EMC2: variants seen among roughly 807,000 people sequenced by gnomAD.
The protein encoded by EMC2 is TPR repeat protein 35.
EMC2 carries 37 observed loss-of-function variants against 51.6 expected under a neutral mutation model. The ratio of observed to expected loss-of-function variants is 0.72; its 90% CI spans 0.55 to 0.94. The LOEUF (loss-of-function observed/expected upper bound fraction) is 0.94, where lower values mean the gene tolerates loss of function less well. Among genes scored for constraint, EMC2 ranks in the 40% least tolerant of loss-of-function variants. EMC2 has a pLI of 0.00. For missense variants in EMC2, 359 were observed against 350.9 expected (o/e 1.02, Z -0.18); for synonymous variants, 131 against 112.4 (o/e 1.17, Z -1.04).
rs79126336 is a variant in EMC2 at position 108,452,251 on chromosome 8, A to G, written c.220-811A>G. ...TTAATGTCTGTATTTTCTGACCCCAAATCAGGATATGTTGATTGAAAGGAT... is the reference window on the plus strand; with the variant it reads ...TTAATGTCTGTATTTTCTGACCCCAGATCAGGATATGTTGATTGAAAGGAT... On this transcript the variant is annotated intron_variant, in intron 3 of 10. Coordinates refer to ENST00000220853, the MANE Select transcript of EMC2 (RefSeq NM_014673.5). 5.3e-3 allele frequency among the ~76,000 whole-genome samples: 810 copies of G among 152,302 alleles called. 5 individuals are homozygous for G. Among genetic ancestry groups the G allele is most frequent in the African/African-American group, 0.018 (755 of 41,564 alleles).
rs754722686 is a variant in EMC2, at chr8:108,486,803, T to C, written c.*205T>C. On this transcript the variant is annotated 3_prime_UTR_variant, in exon 11 of 11. Coordinates refer to ENST00000220853, the MANE Select transcript of EMC2 (RefSeq NM_014673.5). ...ATGGGGGAAATCCATGGAAGAGAGA[T>C]TTAAGACTTATTGATTGTACATCAG... 6.6e-5 allele frequency: 29 copies of C among 438,802 alleles called. No individual in the cohort carries two copies. Among genetic ancestry groups the C allele is most frequent in the Non-Finnish European group, 9.5e-5 (24 of 252,750 alleles). The allele number at this position is 438,802 out of a possible 1,614,324, so 27.2% of individuals were successfully genotyped here.
chr8:108,474,668 G>A (rs1423514784), intron 7 of EMC2: 2 of 151,840 alleles, frequency 1.3e-5, no homozygotes, highest in African/African-American at 4.8e-5. Context: ...GTCCCTTTGG[G>A]TGTGACTGCT....
At chr8:108,475,534 CTTCCAGAAGT>C (rs1376781631) in intron 7 of EMC2, 1 of 166,356 alleles carries the variant, frequency 6.0e-6, no homozygotes, top group Non-Finnish European at 1.3e-5. Context: ...GATCAGTCAA[CTTCCAGAAGT>C]TGTTTTATAT....
chr8:108,453,976 A>G (rs1229786360), intron 4 of EMC2, among the ~76,000 whole-genome samples: 1 of 152,068 alleles, frequency 6.6e-6, no homozygotes, highest in Admixed American at 6.5e-5. Flanking sequence ...GCCTGTCTTT[A>G]TCCCTACTGA....
intron 5 of EMC2, among the ~76,000 whole-genome samples, chr8:108,465,167 A>T (rs776497555): frequency 1.3e-5 from 2 of 152,222 alleles, no homozygotes; most frequent in Non-Finnish European, 2.9e-5. Context: ...AGCCAGTTGG[A>T]TGAAGATTTA....
chr8:108,485,431 A>G (rs1206142618), intron 10 of EMC2, among the ~76,000 whole-genome samples: 1 of 146,458 alleles, frequency 6.8e-6, no homozygotes, highest in Non-Finnish European at 1.5e-5. Context: ...AAATATATAC[A>G]TAATATATAA....
chr8:108,472,798 C>G (rs1810880510), intron 7 of EMC2, among the ~76,000 whole-genome samples: 3 of 151,830 alleles, frequency 2.0e-5, no homozygotes, highest in Non-Finnish European at 2.9e-5. Context: ...ATTTAACATT[C>G]GATATTCCTT....
chr8:108,461,102 C>A (rs909526620), intron 5 of EMC2, among the ~76,000 whole-genome samples: 3 of 152,216 alleles, frequency 2.0e-5, no homozygotes, highest in African/African-American at 7.2e-5. Context: ...GAAGACATCG[C>A]CGTTTCTTTT....
chr8:108,449,851 A>G lies in EMC2; in HGVS notation c.69A>G (p.Arg23=), dbSNP rs777590303. The stretch of plus-strand genomic sequence containing the variant: ...TGAGAGATAAAATGAGAAAATGGAG[A>G]GAAGAAAACTCAAGAAATAGTGAGC... ...EEMRDKMRKW[R]EENSRNSEQI... The change falls in exon 2 of 11, where the codon AGA becomes AGG. Residue 23 remains arginine (R), a synonymous_variant. Transcript: ENST00000220853. The G allele has an allele frequency of 6.3e-7, 1 of 1,575,518 alleles. No individual in the cohort carries two copies. Among genetic ancestry groups the G allele is most frequent in the Non-Finnish European group, 8.7e-7 (1 of 1,146,262 alleles).
chr8:108,485,583 A>G (rs1195493556), intron 10 of EMC2, among the ~76,000 whole-genome samples: 1 of 146,994 alleles, frequency 6.8e-6, no homozygotes, highest in Non-Finnish European at 1.5e-5. Flanking sequence ...ACACACAATA[A>G]ACTTTCTCCC....
At chr8:108,468,668 A>G (rs1370925928) in intron 5 of EMC2, among the ~76,000 whole-genome samples, 1 of 152,080 alleles carries the variant, frequency 6.6e-6, no homozygotes, top group Non-Finnish European at 1.5e-5. Context: ...GACCACATCC[A>G]TTTTACTTCT....
At chr8:108,468,952 C>T (rs1810795788) in intron 5 of EMC2, among the ~76,000 whole-genome samples, 1 of 151,998 alleles carries the variant, frequency 6.6e-6, no homozygotes, top group Non-Finnish European at 1.5e-5. Flanking sequence ...TTTTTAATGT[C>T]TACTTACTCT....
intron 1 of EMC2, among the ~76,000 whole-genome samples, chr8:108,448,724 A>G (rs1192922896): frequency 6.6e-6 from 1 of 152,198 alleles, no homozygotes; most frequent in Non-Finnish European, 1.5e-5. Flanking sequence ...AAACGGACTA[A>G]TACAACCAGT....
At position 108,469,907 on chromosome 8, in the gene EMC2, G is replaced by C. The variant is rs1810819143; in HGVS notation, c.445G>C (p.Glu149Gln). ...CATTCGGGAGCTGAATGAGTATCTG[G>C]AACAGTGAGTATTTTACAAGAGGAT... Reference protein sequence around the residue: ...EAIRELNEYLEQFVGDQEAWH... With the variant: ...EAIRELNEYLQQFVGDQEAWH... Residue 149 changes from glutamate to glutamine, a missense_variant, in exon 6 of 11, where the codon GAA becomes CAA. Transcript: ENST00000220853. 1.2e-6 allele frequency: 2 copies of C among 1,609,486 alleles called. No homozygotes were observed. The highest frequency in any genetic ancestry group is 2.7e-5 in the African/African-American group (2 of 74,840).
chr8:108,480,059 G>A (rs1811019294), intron 10 of EMC2, among the ~76,000 whole-genome samples: 2 of 151,878 alleles, frequency 1.3e-5, no homozygotes, highest in African/African-American at 4.8e-5. Context: ...ATTATTCTTG[G>A]GTCAGTTTTC....
At chr8:108,446,320 C>G (rs1424064372) in intron 1 of EMC2, 1 of 419,994 alleles carries the variant, frequency 2.4e-6, no homozygotes. Flanking sequence ...CATTGGGTAT[C>G]TTAAGAATTT....
intron 9 of EMC2, 98 bp downstream of exon 9, chr8:108,476,990 T>G (rs1009914777): frequency 3.3e-6 from 2 of 603,920 alleles, no homozygotes; most frequent in Non-Finnish European, 5.9e-6. Flanking sequence ...TTTTTTGTAT[T>G]TTATTGATAA....
At position 108,461,779 on chromosome 8, in the gene EMC2, AT is replaced by A. The variant is rs575071218; in HGVS notation, c.363+5850del. Among the ~76,000 whole-genome samples the A allele has an allele frequency of 6.6e-5, 10 of 152,240 alleles. No homozygotes were observed. The East Asian group carries it at 1.9e-3, about 29-fold the overall frequency. On this transcript the variant is annotated intron_variant, in intron 5 of 10. Coordinates refer to ENST00000220853, the MANE Select transcript of EMC2 (RefSeq NM_014673.5). ...TATAAAATGATATGGTAAAAAAAAA[AT>A]AAGTCTGTTCCTCTATCCCTGAGCT...
At chr8:108,459,087 T>C (rs968137226) in intron 5 of EMC2, among the ~76,000 whole-genome samples, 9 of 152,208 alleles carry the variant, frequency 5.9e-5, no homozygotes, top group Admixed American at 2.0e-4. Flanking sequence ...CGAGTCACTT[T>C]TGCTCCAGTT....
Sources: gnomAD v4.1 joint callset for allele counts (sites outside exome capture counted in the v4.1 genomes callset) on GRCh38, gnomAD v4.1.1 for gene constraint, MANE v1.5 for transcripts, NCBI Gene and HGNC (gene_info 2026-07-23, HGNC 2026-07-21) for gene names.